CDHR1: variants seen among roughly 807,000 people sequenced by gnomAD.
CDHR1 encodes the protein cadherin-related family member 1.
A neutral mutation model predicts 72.1 loss-of-function variants in CDHR1; 61 were observed. The ratio of observed to expected loss-of-function variants is 0.85; its 90% CI spans 0.69 to 1.05. CDHR1 has a LOEUF of 1.05. Among genes scored for constraint, CDHR1 ranks in the 50% least tolerant of loss-of-function variants. The probability of loss-of-function intolerance (pLI) is 0.00; values close to 1 mark genes in which losing one functional copy is unlikely to be tolerated. For synonymous variants in CDHR1, 470 were observed against 448.1 expected, an observed-to-expected ratio of 1.05 and a Z score of -0.62; for missense variants, 1,186 against 1,115.7, an observed-to-expected ratio of 1.06 and a Z score of -0.90.
Position 84,208,339 on chromosome 10 carries a change from C to T in CDHR1, c.1129C>T (p.Leu377=), listed in dbSNP as rs779458994. ...MNEHPPQGEI[L]RGLKITVNDS... is the part of the protein sequence containing the mutation. ...TGAGCACCCACCCCAGGGAGAGATC[C>T]TGCGGGGCCTCAAGATCACCGTCAA... Residue 377 remains leucine, a synonymous_variant, in exon 11 of 17, where the codon CTG becomes TTG. Transcript: ENST00000623527. 2 of 1,614,042 alleles carry T rather than the reference C, an allele frequency of 1.2e-6. No homozygotes were observed. The highest frequency in any genetic ancestry group is 4.5e-5 in the East Asian group (2 of 44,870).
At position 84,215,654 on chromosome 10, in the gene CDHR1, AG is replaced by A; in HGVS notation, c.*1036del. 1 of 979,586 alleles carries A rather than the reference AG, an allele frequency of 1.0e-6. No individual in the cohort carries two copies. Among genetic ancestry groups the A allele is most frequent in the Non-Finnish European group, 1.2e-6 (1 of 824,592 alleles). The allele number at this position is 979,586 out of a possible 1,614,324, so 60.7% of individuals were successfully genotyped here. ...AGGATTGAAGAAAATAGTGGTGATG[AG>A]GGCTTTAACCAAGTGCAAAGCGGCA... On this transcript the variant is annotated 3_prime_UTR_variant, in exon 17 of 17. Transcript: ENST00000623527.
intron 2 of CDHR1, 92 bp from the exon 3 acceptor site, chr10:84,196,413 A>G: frequency 7.1e-7 from 1 of 1,411,904 alleles, no homozygotes; most frequent in Non-Finnish European, 1.0e-6. Flanking sequence ...TAGTCACTTT[A>G]TAAACAGCTG....
Position 84,199,062 on chromosome 10 carries a change from G to A in CDHR1, c.379G>A (p.Asp127Asn), listed in dbSNP as rs1189565760. The A allele has an allele frequency of 8.4e-6, 13 of 1,551,626 alleles. No homozygotes were observed. The highest frequency in any genetic ancestry group is 3.4e-4 in the Middle Eastern group (2 of 5,928). ...CGAAAAAGTCGTGATCCTGGTGACCGATGCCAATGATGAGGCGCCCAGGTT... is the reference window on the plus strand; with the variant it reads ...CGAAAAAGTCGTGATCCTGGTGACCAATGCCAATGATGAGGCGCCCAGGTT... ...VAEKVVILVT[D>N]ANDEAPRFIQ... The change falls in exon 5 of 17, where the codon GAT (aspartate) becomes AAT (asparagine). Residue 127 changes from aspartate to asparagine, a missense_variant. Asp to Asn is a conservative substitution (Grantham distance 23, BLOSUM62 1). Coordinates refer to ENST00000623527, the MANE Select transcript of CDHR1 (RefSeq NM_033100.4).
chr10:84,216,175 C>G lies in CDHR1; in HGVS notation c.*1554C>G, dbSNP rs571274968. The G allele has an allele frequency of 4.1e-6, 4 of 985,434 alleles. No homozygotes were observed. The highest frequency in any genetic ancestry group is 5.2e-4 in the Middle Eastern group (1 of 1,914). The allele number at this position is 985,434 out of a possible 1,614,324, so 61.0% of individuals were successfully genotyped here. On this transcript the variant is annotated 3_prime_UTR_variant, in exon 17 of 17. Transcript: ENST00000623527. ...GTAGAACAGTTCTTTGCATTTGGCT[C>G]TACTTACTAACAACCCCTCTAGAAT...
chr10:84,205,900 G>C lies in CDHR1; in HGVS notation c.936G>C (p.Gln312His), dbSNP rs1428113767. The change falls in exon 10 of 17, where the codon CAG becomes CAC. Residue 312 changes from glutamine (Q) to histidine (H), a missense_variant. Transcript: ENST00000623527. ...TCACTCAGAGCCCGGCCCAGCTCCA[G>C]AGAGAGGTGTATGAGCTGCATGTAC... Reference protein sequence around the residue: ...ISITQSPAQLQREVYELHVQV... With the variant: ...ISITQSPAQLHREVYELHVQV... 10 of 1,613,938 alleles carry C rather than the reference G, an allele frequency of 6.2e-6. No individual in the cohort carries two copies. In the South Asian group the frequency reaches 6.6e-5, roughly 11 times the overall value.
downstream of CDHR1, chr10:84,218,937 T>A (rs555604556): frequency 1.9e-6 from 1 of 538,136 alleles, no homozygotes; most frequent in Admixed American, 3.8e-5. Flanking sequence ...GTTTACTATG[T>A]GCCAGGTATT....
At chr10:84,214,022 C>A (rs1256292117) in intron 16 of CDHR1, 60 bp from the exon 17 acceptor site, 1 of 1,609,226 alleles carries the variant, frequency 6.2e-7, no homozygotes, top group African/African-American at 1.3e-5. Context: ...CACATACCTA[C>A]TCTGTACTCC....
chr10:84,212,743 CCAG>C (rs969614612), intron 15 of CDHR1: 3 of 522,000 alleles, frequency 5.7e-6, no homozygotes, highest in African/African-American at 5.7e-5. Flanking sequence ...ACTCTGAAAC[CCAG>C]CAGACTTGAC....
At chr10:84,219,048 A>C (rs1462641100), downstream of CDHR1, 1 of 790,736 alleles carries the variant, frequency 1.3e-6, no homozygotes, top group Non-Finnish European at 2.0e-6. Flanking sequence ...AGGTGAGAAC[A>C]CTAATGTACT....
chr10:84,204,649 G>A (rs1842192892), intron 9 of CDHR1, 44 bp downstream of exon 9: 3 of 1,350,224 alleles, frequency 2.2e-6, no homozygotes, highest in Non-Finnish European at 3.2e-6. Flanking sequence ...GACTCTCTAG[G>A]TGACCAGAGC....
chr10:84,214,653 G>A lies in CDHR1; in HGVS notation c.*32G>A, dbSNP rs766078512. 7.3e-6 allele frequency: 11 copies of A among 1,506,968 alleles called. No individual in the cohort carries two copies. Among genetic ancestry groups the A allele is most frequent in the Non-Finnish European group, 1.0e-5 (11 of 1,099,164 alleles). The allele number at this position is 1,506,968 out of a possible 1,614,324, so 93.3% of individuals were successfully genotyped here. A position where few individuals can be genotyped will look rare whatever the true frequency, so the allele number is the denominator to read the frequency against. ...CCCTATGACCCCCCATCTTTCCTCC[G>A]CCCCTGACCCCCACCACCCTGCTGC... is the stretch of plus-strand genomic sequence containing the variant. On this transcript the variant is annotated 3_prime_UTR_variant, in exon 17 of 17. Coordinates refer to ENST00000623527, the MANE Select transcript of CDHR1 (RefSeq NM_033100.4).
At chr10:84,200,245 G>A in intron 5 of CDHR1, among the ~76,000 whole-genome samples, 1 of 152,038 alleles carries the variant, frequency 6.6e-6, no homozygotes, top group Non-Finnish European at 1.5e-5. Flanking sequence ...GTAGGTATAT[G>A]GTCCCTGGTG....
At chr10:84,207,305 G>A (rs961615431) in intron 10 of CDHR1, among the ~76,000 whole-genome samples, 11 of 152,172 alleles carry the variant, frequency 7.2e-5, no homozygotes, top group Non-Finnish European at 1.0e-4. Flanking sequence ...GATCAGAGAG[G>A]TTGAGGAGAA....
rs563823286 is a variant in CDHR1, at chr10:84,201,281, C to A, written c.526-526C>A. 2.0e-4 allele frequency among the ~76,000 whole-genome samples: 31 copies of A among 152,292 alleles called. 1 individual carries two copies. The South Asian group carries it at 6.4e-3, about 32-fold the overall frequency. On this transcript the variant is annotated intron_variant, in intron 6 of 16. Coordinates refer to ENST00000623527, the MANE Select transcript of CDHR1 (RefSeq NM_033100.4). Reference sequence around the variant, plus strand: ...ACCTGGCACAAGCGCCTGACACTACCCAGCCAGAAGGGCCCCCAGGGACCC... The same window carrying A: ...ACCTGGCACAAGCGCCTGACACTACACAGCCAGAAGGGCCCCCAGGGACCC...
chr10:84,195,482 T>A lies in CDHR1; in HGVS notation c.56-12T>A. The stretch of plus-strand genomic sequence containing the variant: ...TGCCTGGGTGTCCGTCTGTTCTGTG[T>A]TCTTTTTCCAGCTCAGGCCAACTTC... On this transcript the variant is annotated splice_polypyrimidine_tract_variant and intron_variant, in intron 1 of 16. Coordinates refer to ENST00000623527, the MANE Select transcript of CDHR1 (RefSeq NM_033100.4). 1 of 1,612,562 alleles carries A rather than the reference T, an allele frequency of 6.2e-7. No individual in the cohort carries two copies. Among genetic ancestry groups the A allele is most frequent in the Non-Finnish European group, 8.5e-7 (1 of 1,179,106 alleles).
At position 84,208,825 on chromosome 10, in the gene CDHR1, A is replaced by T. The variant is rs1338918998; in HGVS notation, c.1264A>T (p.Ile422Phe). 6.2e-7 allele frequency: 1 copy of T among 1,614,072 alleles called. No individual in the cohort carries two copies. The highest frequency in any genetic ancestry group is 2.2e-5 in the East Asian group (1 of 44,898). ...CCTGAATGAAGCCCAAGTCACAATC[A>T]TTGTGGAGAACTCAGCTGCCATTGA... is the stretch of plus-strand genomic sequence containing the variant. The part of the protein sequence containing the change: ...TVLNEAQVTI[I>F]VENSAAIDFE... Residue 422 changes from isoleucine (I) to phenylalanine (F), a missense_variant, in exon 12 of 17, where the codon ATT becomes TTT. Transcript: ENST00000623527.
At chr10:84,203,195 C>T in intron 8 of CDHR1, 72 bp downstream of exon 8, 1 of 1,589,208 alleles carries the variant, frequency 6.3e-7, no homozygotes, top group Non-Finnish European at 8.6e-7. Context: ...ATTTTAGGGA[C>T]CCCCTGCTGG....
At chr10:84,207,104 T>G (rs1413645084) in intron 10 of CDHR1, among the ~76,000 whole-genome samples, 2 of 152,106 alleles carry the variant, frequency 1.3e-5, no homozygotes, top group Non-Finnish European at 2.9e-5. Flanking sequence ...ACATCAAAAC[T>G]TGGGCATACA....
chr10:84,212,316 T>C lies in CDHR1; in HGVS notation c.1691T>C (p.Ile564Thr), dbSNP rs778452733. The C allele has an allele frequency of 1.9e-6, 3 of 1,614,204 alleles. No homozygotes were observed. In the South Asian group the frequency reaches 3.3e-5, roughly 18 times the overall value. ...AAGTACAGCGTAGCTGAGGTGTTTA[T>C]CACACTGCTGGATGTCAATGACCAC... ...EGKYSVAEVF[I>T]TLLDVNDHPP... The change falls in exon 15 of 17, where the codon ATC (isoleucine) becomes ACC (threonine). Residue 564 changes from isoleucine (I) to threonine (T), a missense_variant. Transcript: ENST00000623527.
Sources: allele counts gnomAD v4.1 joint callset (sites outside exome capture counted in the v4.1 genomes callset), GRCh38; gene constraint gnomAD v4.1.1; transcripts MANE v1.5; gene names NCBI Gene and HGNC (gene_info 2026-07-23, HGNC 2026-07-21).